Variants in KCNQ4 observed in about 807,000 individuals in gnomAD.
The protein encoded by KCNQ4 is potassium voltage-gated channel subfamily Q member 4.
A neutral mutation model predicts 72.6 loss-of-function variants in KCNQ4; 31 were observed. That is an observed-to-expected ratio of 0.43 (90% CI 0.32 to 0.58). The LOEUF (loss-of-function observed/expected upper bound fraction) is 0.58, where lower values mean the gene tolerates loss of function less well. Ranked by LOEUF, KCNQ4 falls within the 20% of genes least tolerant of loss-of-function variation. KCNQ4 has a pLI of 0.08. For missense variants in KCNQ4, 869 were observed against 962.6 expected (o/e 0.90, Z 1.29); for synonymous variants, 405 against 403.7 (o/e 1.00, Z -0.04).
Position 40,805,447 on chromosome 1 carries a change from C to T in KCNQ4, c.315-11818C>T, listed in dbSNP as rs1570813276. Among the ~76,000 whole-genome samples the T allele has an allele frequency of 5.9e-5, 9 of 152,338 alleles. No homozygotes were observed. The South Asian group carries it at 1.9e-3, about 32-fold the overall frequency. ...CACCCCCCACCACTCTCCCCTTGCTCATTCCACTCTGGGATCACTCCTTTC... is the reference window on the plus strand; with the variant it reads ...CACCCCCCACCACTCTCCCCTTGCTTATTCCACTCTGGGATCACTCCTTTC... On this transcript the variant is annotated intron_variant, in intron 1 of 13. Transcript: ENST00000347132.
intron 9 of KCNQ4, among the ~76,000 whole-genome samples, chr1:40,827,132 T>G (rs1648502503): frequency 1.3e-5 from 2 of 152,186 alleles, no homozygotes; most frequent in African/African-American, 4.8e-5. Context: ...GTTTGGCACC[T>G]TTGCCAGCTC....
At position 40,837,095 on chromosome 1, in the gene KCNQ4, T is replaced by TC. The variant is rs542856226; in HGVS notation, c.1746-570_1746-569insC. On this transcript the variant is annotated intron_variant, in intron 12 of 13. Coordinates refer to ENST00000347132, the MANE Select transcript of KCNQ4 (RefSeq NM_004700.4). ...TCTTTTCTTTTCTTTTCTTTTCTTT[T>TC]TTTTTTTTTTGAGACAGTATCTTGC... Among the ~76,000 whole-genome samples, 47 of 148,782 alleles carry TC rather than the reference T, an allele frequency of 3.2e-4. No homozygotes were observed. In the East Asian group the frequency reaches 8.0e-3, roughly 25 times the overall value.
chr1:40,801,110 A>G (rs1261376532), intron 1 of KCNQ4, among the ~76,000 whole-genome samples: 2 of 151,564 alleles, frequency 1.3e-5, no homozygotes, highest in Non-Finnish European at 2.9e-5. Context: ...TTCAGACTGC[A>G]AGGTAAGTGG....
intron 7 of KCNQ4, among the ~76,000 whole-genome samples, chr1:40,821,274 G>A (rs1418050900): frequency 6.6e-6 from 1 of 152,198 alleles, no homozygotes; most frequent in African/African-American, 2.4e-5. Context: ...CATGCCAGGG[G>A]CCTAGGCAAG....
Position 40,784,515 on chromosome 1 carries a change from G to T in KCNQ4, c.314+108G>T, listed in dbSNP as rs1338183208. 7 of 1,047,466 alleles carry T rather than the reference G, an allele frequency of 6.7e-6. No individual in the cohort carries two copies. Among genetic ancestry groups the T allele is most frequent in the South Asian group, 1.3e-5 (1 of 77,748 alleles). The allele number at this position is 1,047,466 out of a possible 1,614,324, so 64.9% of individuals were successfully genotyped here. On this transcript the variant is annotated intron_variant, in intron 1 of 13. Transcript: ENST00000347132. This position sits in a 1 kb window ranked among gnomAD's most constrained non-coding sequence, Gnocchi z 4.1. ...CCTTCTACCCCCCTGCCTCAGGGCC[G>T]ACCCTCATCTCTCTCCCCCCAGGCC... is the stretch of plus-strand genomic sequence containing the variant.
At chr1:40,804,817 C>CA (rs34127672) in intron 1 of KCNQ4, 44,721 of 88,788 alleles carry the variant, frequency 0.5, 9,758 homozygotes, top group Middle Eastern at 0.54. Context: ...GACCCTGTCT[C>CA]AAAAAAAAAA....
rs1289549341 is a variant in KCNQ4, at chr1:40,817,726, A to G, written c.405+371A>G. On this transcript the variant is annotated intron_variant, in intron 2 of 13. Transcript: ENST00000347132. The surrounding 1 kb of genome is among the most constrained non-coding windows in gnomAD (Gnocchi z 5.5). The stretch of plus-strand genomic sequence containing the variant: ...TTATGATGGGTCCAGAATAGAAGTG[A>G]GTAGGCTCCACCCCTTCTCAGGACA... Among the ~76,000 whole-genome samples the G allele has an allele frequency of 6.6e-6, 1 of 152,220 alleles. No individual in the cohort carries two copies. The highest frequency in any genetic ancestry group is 2.4e-5 in the African/African-American group (1 of 41,450).
chr1:40,819,928 C>T lies in KCNQ4; in HGVS notation c.888C>T (p.Gly296=). The T allele has an allele frequency of 1.9e-6, 3 of 1,614,212 alleles. No homozygotes were observed. The highest frequency in any genetic ancestry group is 2.5e-6 in the Non-Finnish European group (3 of 1,180,032). ...YGDKTPHTWL[G]RVLAAGFALL... ...ACAAGACACCGCACACATGGCTGGGCAGGGTCCTGGCTGCTGGCTTCGCCT... is the reference window on the plus strand; with the variant it reads ...ACAAGACACCGCACACATGGCTGGGTAGGGTCCTGGCTGCTGGCTTCGCCT... Residue 296 remains glycine (G), a synonymous_variant, in exon 6 of 14, where the codon GGC becomes GGT. Coordinates refer to ENST00000347132, the MANE Select transcript of KCNQ4 (RefSeq NM_004700.4).
At chr1:40,821,217 G>T (rs987057413) in intron 7 of KCNQ4, among the ~76,000 whole-genome samples, 24 of 152,214 alleles carry the variant, frequency 1.6e-4, no homozygotes, top group Non-Finnish European at 2.8e-4. Context: ...AGCTAGTATT[G>T]TGGTGCCCAT....
rs1466113028 is a variant in KCNQ4 at position 40,788,650 on chromosome 1, A to G, written c.314+4243A>G. The stretch of plus-strand genomic sequence containing the variant: ...ACTGGGAGCTGTTGCGCTCAGCACC[A>G]CAGCCTCAGCTAGCAGCACCCCAAG... On this transcript the variant is annotated intron_variant, in intron 1 of 13. Coordinates refer to ENST00000347132, the MANE Select transcript of KCNQ4 (RefSeq NM_004700.4). This position sits in a 1 kb window ranked among gnomAD's most constrained non-coding sequence, Gnocchi z 4.5. 6.6e-6 allele frequency among the ~76,000 whole-genome samples: 1 copy of G among 152,182 alleles called. No individual in the cohort carries two copies. The highest frequency in any genetic ancestry group is 6.5e-5 in the Admixed American group (1 of 15,278).
At chr1:40,825,160 A>G (rs772770013) in intron 9 of KCNQ4, among the ~76,000 whole-genome samples, 24 of 152,046 alleles carry the variant, frequency 1.6e-4, no homozygotes, top group Middle Eastern at 6.8e-3. Flanking sequence ...CTCGTCCTTT[A>G]CCCATCTCTT....
intron 9 of KCNQ4, among the ~76,000 whole-genome samples, chr1:40,826,448 T>A (rs1277283989): frequency 6.6e-6 from 1 of 152,160 alleles, no homozygotes; most frequent in African/African-American, 2.4e-5. Context: ...TGTAACATGG[T>A]CCCCAGGGGA....
chr1:40,819,209 A>T, intron 4 of KCNQ4, 138 bp from the exon 5 acceptor site: 4 of 1,029,802 alleles, frequency 3.9e-6, no homozygotes, highest in Admixed American at 2.0e-5. Flanking sequence ...GGTCGCCGTG[A>T]TGGGAGGAGC....
rs747624059 is a variant in KCNQ4, at chr1:40,784,433, C to A, written c.314+26C>A. The A allele has an allele frequency of 6.2e-7, 1 of 1,600,072 alleles. No individual in the cohort carries two copies. The highest frequency in any genetic ancestry group is 2.2e-5 in the East Asian group (1 of 44,704). ...GTGAGTTTGCGACCCCGCGCCCTTC[C>A]GCGTTTCCCCGCGCAAGCCTGGCCT... On this transcript the variant is annotated intron_variant, in intron 1 of 13. Coordinates refer to ENST00000347132, the MANE Select transcript of KCNQ4 (RefSeq NM_004700.4). This position sits in a 1 kb window ranked among gnomAD's most constrained non-coding sequence, Gnocchi z 4.1.
At chr1:40,837,560 GCCTGTCC>G (rs1648839878) in intron 12 of KCNQ4, 98 bp from the exon 13 acceptor site, 1 of 1,417,770 alleles carries the variant, frequency 7.1e-7, no homozygotes, top group Non-Finnish European at 9.6e-7. Context: ...CCCTCAGATT[GCCTGTCC>G]CCTCGTGGTG....
At chr1:40,818,408 T>G in intron 3 of KCNQ4, 97 bp from the exon 4 acceptor site, 1 of 968,968 alleles carries the variant, frequency 1.0e-6, no homozygotes, top group Non-Finnish European at 1.5e-6. Context: ...ACCCTCCCCC[T>G]CCCTCCCCAG....
intron 1 of KCNQ4, among the ~76,000 whole-genome samples, chr1:40,804,313 A>G (rs1647683517): frequency 6.6e-6 from 1 of 152,188 alleles, no homozygotes; most frequent in African/African-American, 2.4e-5. Flanking sequence ...GAGAAATCCA[A>G]AGAACATTGC....
Position 40,817,951 on chromosome 1 carries a change from G to A in KCNQ4, c.406-213G>A, listed in dbSNP as rs371772534. The stretch of plus-strand genomic sequence containing the variant: ...AAAATCCGATCAGTTCATGGGGACC[G>A]GAAGGGGAGGACACACTAGGGCTTT... On this transcript the variant is annotated intron_variant, in intron 2 of 13. Transcript: ENST00000347132. This position sits in a 1 kb window ranked among gnomAD's most constrained non-coding sequence, Gnocchi z 5.5. Among the ~76,000 whole-genome samples the A allele has an allele frequency of 5.9e-5, 9 of 152,302 alleles. No homozygotes were observed. In the South Asian group the frequency reaches 1.5e-3, roughly 25 times the overall value.
At chr1:40,822,550 T>C (rs896944163) in intron 8 of KCNQ4, 148 bp downstream of exon 8, 123 of 665,592 alleles carry the variant, frequency 1.8e-4, no homozygotes, top group South Asian at 2.8e-4. Context: ...CCTATGTAAT[T>C]CAGAGCCTGG....
Sources: gnomAD v4.1 joint callset for allele counts (sites outside exome capture counted in the v4.1 genomes callset) on GRCh38, gnomAD v4.1.1 for gene constraint, Gnocchi (gnomAD v3.1) non-coding constraint, MANE v1.5 for transcripts, NCBI Gene and HGNC (gene_info 2026-07-23, HGNC 2026-07-21) for gene names.